Variants in FHL2 observed in about 807,000 individuals in gnomAD.
FHL2 encodes the protein four and a half LIM domains 2.
A neutral mutation model predicts 32.7 loss-of-function variants in FHL2; 20 were observed. The ratio of observed to expected loss-of-function variants is 0.61; its 90% CI spans 0.43 to 0.89. FHL2 has a LOEUF of 0.89. Ranked by LOEUF, FHL2 falls within the 40% of genes least tolerant of loss-of-function variation. The pLI, the probability that FHL2 is intolerant of heterozygous loss-of-function variation, is 0.00. For missense variants in FHL2, 311 were observed against 358.6 expected (o/e 0.87, Z 1.07); for synonymous variants, 123 against 128.1 (o/e 0.96, Z 0.27).
chr2:105,412,758 G>A (rs1316546279), intron 1 of FHL2, among the ~76,000 whole-genome samples: 1 of 152,188 alleles, frequency 6.6e-6, no homozygotes, highest in Admixed American at 6.5e-5. Context: ...AGAGGCGGGG[G>A]CAGTGAAGCC....
chr2:105,376,716 C>T (rs1406413528), intron 3 of FHL2: 2 of 152,220 alleles, frequency 1.3e-5, no homozygotes, highest in South Asian at 2.1e-4. Context: ...TGTACATCCA[C>T]GTTCATTGAA....
At chr2:105,367,432 T>C (rs1015024428) in intron 5 of FHL2, 138 bp downstream of exon 5, 22 of 809,422 alleles carry the variant, frequency 2.7e-5, no homozygotes, top group African/African-American at 5.2e-5. Flanking sequence ...ATGCTCAGAA[T>C]GTAAGGCAGG....
upstream of FHL2, chr2:105,399,138 G>T: frequency 1.8e-5 from 25 of 1,370,058 alleles, no homozygotes; most frequent in Non-Finnish European, 2.2e-5. Flanking sequence ...CGCTGGCACC[G>T]GGCGTGGGGC....
intron 2 of FHL2, 114 bp from the exon 3 acceptor site, chr2:105,386,654 C>G: frequency 1.2e-6 from 1 of 803,780 alleles, no homozygotes; most frequent in Admixed American, 2.7e-5. Flanking sequence ...TGGCTAATTC[C>G]TCTGGATGAA....
intron 1 of FHL2, among the ~76,000 whole-genome samples, chr2:105,423,719 C>A (rs1363988882): frequency 6.6e-6 from 1 of 152,144 alleles, no homozygotes; most frequent in Non-Finnish European, 1.5e-5. Flanking sequence ...AGAAACAACA[C>A]CACACATCTA....
intron 1 of FHL2, among the ~76,000 whole-genome samples, chr2:105,405,503 C>G (rs931255676): frequency 4.6e-5 from 7 of 152,146 alleles, no homozygotes; most frequent in African/African-American, 1.7e-4. Context: ...CTCTGCCTTC[C>G]CTGATTCAAG....
intron 1 of FHL2, among the ~76,000 whole-genome samples, chr2:105,434,476 T>C (rs1164267756): frequency 1.3e-5 from 2 of 151,894 alleles, no homozygotes. Context: ...GCTGAGGCAC[T>C]AGAATCACTT....
chr2:105,425,229 AG>A (rs1192399779), intron 1 of FHL2, among the ~76,000 whole-genome samples: 1 of 99,024 alleles, frequency 1.0e-5, no homozygotes, highest in Non-Finnish European at 1.9e-5. Flanking sequence ...TATAAAATCA[AG>A]GTTTTAAGGG....
intron 3 of FHL2, among the ~76,000 whole-genome samples, chr2:105,376,912 G>T (rs1308708834): frequency 1.3e-5 from 2 of 152,070 alleles, no homozygotes; most frequent in Admixed American, 6.5e-5. Context: ...CGACAAATCG[G>T]TCACAAAAGG....
chr2:105,417,848 A>G (rs7572930), intron 1 of FHL2, among the ~76,000 whole-genome samples: 16,465 of 152,028 alleles, frequency 0.11, 1,036 homozygotes, highest in African/African-American at 0.16. Flanking sequence ...GTGATGAAGA[A>G]TATCATGATT....
chr2:105,370,167 G>A (rs1044812733), intron 4 of FHL2, among the ~76,000 whole-genome samples: 2 of 152,230 alleles, frequency 1.3e-5, no homozygotes, highest in South Asian at 2.1e-4. Context: ...GAGCCCAGGA[G>A]TTGGCGACCA....
At chr2:105,362,568 G>A (rs1050421677) in intron 6 of FHL2, among the ~76,000 whole-genome samples, 2 of 152,174 alleles carry the variant, frequency 1.3e-5, no homozygotes, top group African/African-American at 2.4e-5. Flanking sequence ...TGAATGCAAC[G>A]GGATTGCAAA....
chr2:105,423,305 T>G lies in FHL2; in HGVS notation c.-25+15094A>C, dbSNP rs937215791. On this transcript the variant is annotated intron_variant, in intron 1 of 5. Coordinates refer to the FHL2 transcript ENST00000393352. ...ATTTGCAAGCCACTTGAAGATTTCA[T>G]AAACCTATTGCATCAACTCTAACAA... 3.3e-5 allele frequency among the ~76,000 whole-genome samples: 5 copies of G among 152,340 alleles called. No individual in the cohort carries two copies. The East Asian group carries it at 9.6e-4, about 29-fold the overall frequency.
intron 2 of FHL2, among the ~76,000 whole-genome samples, chr2:105,396,417 A>G (rs985667727): frequency 6.6e-6 from 1 of 152,182 alleles, no homozygotes; most frequent in African/African-American, 2.4e-5. Context: ...TCAGGCCTTC[A>G]ACTGTTTGGA....
chr2:105,375,020 G>A (rs1183336353), intron 3 of FHL2, among the ~76,000 whole-genome samples: 1 of 152,222 alleles, frequency 6.6e-6, no homozygotes, highest in Non-Finnish European at 1.5e-5. Context: ...CGAAGCTGGA[G>A]TTATGCTGAA....
Position 105,371,318 on chromosome 2 carries a change from G to C in FHL2, c.331+2241C>G, listed in dbSNP as rs961833557. Among the ~76,000 whole-genome samples the C allele has an allele frequency of 3.9e-5, 6 of 152,156 alleles. No homozygotes were observed. In the East Asian group the frequency reaches 9.6e-4, roughly 24 times the overall value. ...TATCAGGGCCGGGCTTCATCTAATC[G>C]GTAGTGGGCCTTAGGGGCAAAGACT... On this transcript the variant is annotated intron_variant, in intron 4 of 6. Coordinates refer to ENST00000530340, the MANE Select transcript of FHL2 (RefSeq NM_001318895.3).
At chr2:105,395,265 G>C (rs566751660) in intron 2 of FHL2, among the ~76,000 whole-genome samples, 1 of 152,208 alleles carries the variant, frequency 6.6e-6, no homozygotes, top group Non-Finnish European at 1.5e-5. Context: ...GGGTGGCCTC[G>C]GGTCCGTCAA....
intron 1 of FHL2, among the ~76,000 whole-genome samples, chr2:105,436,861 T>G (rs1684629177): frequency 6.6e-6 from 1 of 152,216 alleles, no homozygotes; most frequent in Non-Finnish European, 1.5e-5. Flanking sequence ...ATATAAACAA[T>G]CAATATAATT....
rs1469671327 is a variant in FHL2, at chr2:105,361,449, A to G, written c.689-15T>C. 7 of 1,605,686 alleles carry G rather than the reference A, an allele frequency of 4.4e-6. No homozygotes were observed. Among genetic ancestry groups the G allele is most frequent in the Admixed American group, 3.4e-5 (2 of 58,772 alleles). ...GCCACCAAGTCCTGTTAACAGAGAG[A>G]AAATAATACCGGATGAAGAAAGTTA... On this transcript the variant is annotated splice_polypyrimidine_tract_variant and intron_variant, in intron 6 of 6. Coordinates refer to ENST00000530340, the MANE Select transcript of FHL2 (RefSeq NM_001318895.3).
Sources: allele counts gnomAD v4.1 joint callset (sites outside exome capture counted in the v4.1 genomes callset), GRCh38; gene constraint gnomAD v4.1.1; transcripts MANE v1.5; gene names NCBI Gene and HGNC (gene_info 2026-07-23, HGNC 2026-07-21).